Variants in SMYD3 observed in about 807,000 individuals in gnomAD.
The protein encoded by SMYD3 is SET and MYND domain containing 3, also known as histone-lysine N-methyltransferase SMYD3.
In SMYD3, 36 loss-of-function variants were observed where a neutral mutation model predicts 57.7. The ratio of observed to expected loss-of-function variants is 0.62; its 90% confidence interval spans 0.48 to 0.82. The LOEUF is 0.82. SMYD3 is among the 40% of genes least tolerant of loss of function. The probability of loss-of-function intolerance (pLI) is 0.00; values close to 1 mark genes in which losing one functional copy is unlikely to be tolerated. For synonymous variants in SMYD3, 211 were observed against 195.0 expected (o/e 1.08, Z -0.68); for missense variants, 515 against 538.8 (o/e 0.96, Z 0.44).
intron 5 of SMYD3, among the ~76,000 whole-genome samples, chr1:246,283,055 A>G (rs2064487765): frequency 6.6e-6 from 1 of 152,206 alleles, no homozygotes; most frequent in Non-Finnish European, 1.5e-5. Context: ...CACAAAAGAA[A>G]TAAGGAGCTC....
At chr1:246,023,679 C>A (rs538223274) in intron 5 of SMYD3, among the ~76,000 whole-genome samples, 1 of 152,138 alleles carries the variant, frequency 6.6e-6, no homozygotes, top group East Asian at 1.9e-4. Context: ...GAGGGACATA[C>A]AACAAAAAAG....
chr1:246,359,202 G>A (rs2065952802), intron 1 of SMYD3, among the ~76,000 whole-genome samples: 1 of 152,112 alleles, frequency 6.6e-6, no homozygotes, highest in Admixed American at 6.5e-5. Context: ...GCCTAAACTA[G>A]AAAACCTAGA....
intron 5 of SMYD3, among the ~76,000 whole-genome samples, chr1:246,175,517 C>CT (rs1366711362): frequency 2.0e-5 from 3 of 152,322 alleles, no homozygotes; most frequent in Admixed American, 1.3e-4. Flanking sequence ...GATTAAAACA[C>CT]TTTAAATATT....
chr1:245,771,879 A>C (rs190037998), intron 10 of SMYD3, among the ~76,000 whole-genome samples: 1 of 152,294 alleles, frequency 6.6e-6, no homozygotes, highest in East Asian at 1.9e-4. Context: ...AAAGGGGAAA[A>C]AAAAAGATGG....
chr1:245,927,894 G>T (rs1411394803), intron 7 of SMYD3, 37 bp downstream of exon 7: 1 of 1,557,726 alleles, frequency 6.4e-7, no homozygotes, highest in Admixed American at 1.7e-5. Flanking sequence ...TCTTTGATAG[G>T]AAAGAAGGCC....
chr1:246,288,442 C>T (rs886897671), intron 5 of SMYD3, among the ~76,000 whole-genome samples: 6 of 152,028 alleles, frequency 3.9e-5, no homozygotes, highest in South Asian at 2.1e-4. Flanking sequence ...CAGCCCCATG[C>T]GTATGTTATG....
rs771269963 is a variant in SMYD3, at chr1:246,335,399, C to A, written c.304G>T (p.Val102Phe). 1 of 1,614,034 alleles carries A rather than the reference C, an allele frequency of 6.2e-7. No homozygotes were observed. Among genetic ancestry groups the A allele is most frequent in the East Asian group, 2.2e-5 (1 of 44,874 alleles). Residue 102 changes from valine (V) to phenylalanine (F), a missense_variant, in exon 3 of 12, where the codon GTT becomes TTT. Coordinates refer to ENST00000490107, the MANE Select transcript of SMYD3 (RefSeq NM_001167740.2). ...SCKPRYPPDS[V>F]RLLGRVVFKL... is the part of the protein sequence containing the mutation. Reference sequence around the variant, plus strand: ...AAGACAACTCTGCCAAGAAGTCGAACGGAGTCTGGAGGATATCTGGGTTTG... The same window carrying A: ...AAGACAACTCTGCCAAGAAGTCGAAAGGAGTCTGGAGGATATCTGGGTTTG...
intron 10 of SMYD3, among the ~76,000 whole-genome samples, chr1:245,779,306 G>A (rs1477750144): frequency 6.6e-6 from 1 of 151,826 alleles, no homozygotes; most frequent in African/African-American, 2.4e-5. Flanking sequence ...AAAAGAAAAG[G>A]AAAAGAAAAA....
At chr1:246,446,626 T>C (rs1036494560) in intron 1 of SMYD3, among the ~76,000 whole-genome samples, 2 of 152,220 alleles carry the variant, frequency 1.3e-5, no homozygotes. Context: ...TTATCTACGA[T>C]TTAAATAGGT....
At position 246,107,244 on chromosome 1, in the gene SMYD3, G is replaced by A. The variant is rs561155356; in HGVS notation, c.532-177307C>T. 5.0e-3 allele frequency among the ~76,000 whole-genome samples: 757 copies of A among 151,420 alleles called. 1 individual carries two copies. Among genetic ancestry groups the A allele is most frequent in the Non-Finnish European group, 7.8e-3 (527 of 67,902 alleles). On this transcript the variant is annotated intron_variant, in intron 5 of 11. Coordinates refer to ENST00000490107, the MANE Select transcript of SMYD3 (RefSeq NM_001167740.2). ...GGAGCTTGCAGTGAGCCGAGATTGC[G>A]CCACTGCACTCCAGCCTGGGTGACA... is the stretch of plus-strand genomic sequence containing the variant.
intron 1 of SMYD3, among the ~76,000 whole-genome samples, chr1:246,471,189 T>A (rs1572528580): frequency 6.6e-6 from 1 of 152,322 alleles, no homozygotes; most frequent in Admixed American, 6.5e-5. Flanking sequence ...AAAGATGTTT[T>A]AATTTTTTTA....
At chr1:246,346,133 A>C (rs761681561) in intron 2 of SMYD3, among the ~76,000 whole-genome samples, 33 of 151,992 alleles carry the variant, frequency 2.2e-4, no homozygotes, top group Non-Finnish European at 4.1e-4. Flanking sequence ...AAATACAAAA[A>C]ATTAGCCGGG....
At chr1:245,855,161 G>A (rs9661824) in intron 10 of SMYD3, among the ~76,000 whole-genome samples, 109,560 of 152,048 alleles carry the variant, frequency 0.72, 43,100 homozygotes, top group Non-Finnish European at 0.9. Context: ...TGAACAGAAC[G>A]GGCGAATGTC....
intron 5 of SMYD3, among the ~76,000 whole-genome samples, chr1:246,073,080 C>T (rs1290009186): frequency 6.6e-6 from 1 of 152,158 alleles, no homozygotes; most frequent in East Asian, 1.9e-4. Flanking sequence ...GCAGTTACAA[C>T]GATGGATGCA....
intron 5 of SMYD3, among the ~76,000 whole-genome samples, chr1:246,192,969 T>A (rs1265002831): frequency 1.3e-5 from 2 of 151,832 alleles, no homozygotes; most frequent in Non-Finnish European, 2.9e-5. Context: ...GCTTTTAATG[T>A]AATGATTATA....
At chr1:245,780,963 T>C (rs1019738925) in intron 10 of SMYD3, among the ~76,000 whole-genome samples, 1 of 152,188 alleles carries the variant, frequency 6.6e-6, no homozygotes, top group African/African-American at 2.4e-5. Context: ...GAATGAACCT[T>C]AGTAACATGC....
rs553075682 is a variant in SMYD3 at position 246,076,650 on chromosome 1, G to C, written c.532-146713C>G. On this transcript the variant is annotated intron_variant, in intron 5 of 11. Coordinates refer to ENST00000490107, the MANE Select transcript of SMYD3 (RefSeq NM_001167740.2). ...TCTTTCTGGCTCATTTATTTTAACT[G>C]CTCCCACTAGCATTCTGTCTGGTTT... Among the ~76,000 whole-genome samples, 172 of 148,556 alleles carry C rather than the reference G, an allele frequency of 1.2e-3. 2 individuals are homozygous for C. The highest frequency in any genetic ancestry group is 4.1e-3 in the African/African-American group (161 of 39,490).
chr1:245,936,357 A>C (rs1406833721), intron 5 of SMYD3, among the ~76,000 whole-genome samples: 1 of 106,686 alleles, frequency 9.4e-6, no homozygotes, highest in East Asian at 2.2e-4. Flanking sequence ...CTGAATACGT[A>C]ATCTTATTTT....
chr1:245,908,007 G>T (rs913790557), intron 8 of SMYD3, among the ~76,000 whole-genome samples: 1 of 151,980 alleles, frequency 6.6e-6, no homozygotes, highest in African/African-American at 2.4e-5. Flanking sequence ...GTGGTGGCTC[G>T]TGCCTGTAAT....
Sources: allele counts gnomAD v4.1 joint callset (sites outside exome capture counted in the v4.1 genomes callset), GRCh38; gene constraint gnomAD v4.1.1; transcripts MANE v1.5; gene names NCBI Gene and HGNC (gene_info 2026-07-23, HGNC 2026-07-21).